The following TTLL12 variants were observed in gnomAD, a reference collection of about 807,000 sequenced individuals.
TTLL12 encodes tubulin tyrosine ligase like 12.
Under a neutral mutation model 79.6 loss-of-function variants are expected in TTLL12, and 77 were observed. The observed-to-expected ratio is 0.97, with a 90% CI of 0.81 to 1.17. The LOEUF (loss-of-function observed/expected upper bound fraction) is 1.17. TTLL12 is among the 50% of genes most tolerant of loss of function. The probability of loss-of-function intolerance (pLI) is 0.00; values close to 1 mark genes in which losing one functional copy is unlikely to be tolerated. For synonymous variants in TTLL12, 437 were observed against 376.1 expected (o/e 1.16, Z -1.87); for missense variants, 969 against 895.9 (o/e 1.08, Z -1.04).
intron 9 of TTLL12, among the ~76,000 whole-genome samples, chr22:43,173,414 G>A (rs1931815962): frequency 6.6e-6 from 1 of 152,234 alleles, no homozygotes; most frequent in Non-Finnish European, 1.5e-5. Context: ...GGGCTCAAGT[G>A]ATCCTCCTGC....
rs745916328 is a variant in TTLL12, at chr22:43,167,695, T to C, written c.*313A>G. The C allele has an allele frequency of 1.2e-5, 3 of 249,276 alleles. No homozygotes were observed. Among genetic ancestry groups the C allele is most frequent in the Non-Finnish European group, 2.3e-5 (3 of 129,012 alleles). 15.4% of individuals were successfully genotyped at this position (249,276 alleles called of 1,614,324 possible). A position where few individuals can be genotyped will look rare whatever the true frequency, so the allele number is the denominator to read the frequency against. ...ACAGCAGCCAGGAACAAATTCTCCA[T>C]GCCAGGAACAAAGCCCTTGGCTAAA... On this transcript the variant is annotated 3_prime_UTR_variant, in exon 14 of 14. Transcript: ENST00000216129.
rs111779502 is a variant in TTLL12, at chr22:43,171,977, C to A, written c.1494-77G>T. On this transcript the variant is annotated intron_variant, in intron 10 of 13. Transcript: ENST00000216129. Reference sequence around the variant, plus strand: ...GCGAGGGAGGTGCCACCCACTCAGCCTTCCCAACTAGGGGTTCAGGGCTCA... The same window carrying A: ...GCGAGGGAGGTGCCACCCACTCAGCATTCCCAACTAGGGGTTCAGGGCTCA... 4 of 1,275,292 alleles carry A rather than the reference C, an allele frequency of 3.1e-6. No homozygotes were observed. In the African/African-American group the frequency reaches 5.9e-5, roughly 19 times the overall value. 79.0% of individuals were successfully genotyped at this position (1,275,292 alleles called of 1,614,324 possible). A position where few individuals can be genotyped will look rare whatever the true frequency, so the allele number is the denominator to read the frequency against.
At chr22:43,180,136 CT>C in intron 3 of TTLL12, 136 bp from the exon 4 acceptor site, 3 of 1,091,862 alleles carry the variant, frequency 2.7e-6, no homozygotes, top group Non-Finnish European at 3.9e-6. Context: ...ACCCCAGGCC[CT>C]TTAGCTAAGC....
rs553417632 is a variant in TTLL12 at position 43,186,589 on chromosome 22, G to A, written c.177+304C>T. Reference sequence around the variant, plus strand: ...GAGCCGCAGTGTTCTCATCTGTGAAGTGGGGGTGATGAGTTTCACTCCTCG... The same window carrying A: ...GAGCCGCAGTGTTCTCATCTGTGAAATGGGGGTGATGAGTTTCACTCCTCG... On this transcript the variant is annotated intron_variant, in intron 1 of 13. Coordinates refer to ENST00000216129, the MANE Select transcript of TTLL12 (RefSeq NM_015140.4). 2.6e-5 allele frequency among the ~76,000 whole-genome samples: 4 copies of A among 152,348 alleles called. No homozygotes were observed. The South Asian group carries it at 8.3e-4, about 32-fold the overall frequency.
At chr22:43,173,515 C>T (rs2147068823) in intron 9 of TTLL12, among the ~76,000 whole-genome samples, 200 bp downstream of exon 9, 1 of 152,264 alleles carries the variant, frequency 6.6e-6, no homozygotes, top group East Asian at 1.9e-4. Flanking sequence ...CGAGGTCTCC[C>T]TATGTTGCTC....
At chr22:43,174,986 C>T (rs1264425022) in intron 6 of TTLL12, among the ~76,000 whole-genome samples, 1 of 152,270 alleles carries the variant, frequency 6.6e-6, no homozygotes, top group Non-Finnish European at 1.5e-5. Context: ...ACAGGCACAC[C>T]AAGGGCCTCC....
intron 13 of TTLL12, among the ~76,000 whole-genome samples, chr22:43,168,400 G>A (rs1463929112): frequency 6.6e-6 from 1 of 150,582 alleles, no homozygotes; most frequent in East Asian, 2.0e-4. Flanking sequence ...TGACAGCCTG[G>A]CCCTTTAAGC....
chr22:43,179,078 G>A (rs976910478), intron 5 of TTLL12, among the ~76,000 whole-genome samples: 3 of 152,036 alleles, frequency 2.0e-5, no homozygotes, highest in Admixed American at 6.5e-5. Flanking sequence ...CGACAACTCC[G>A]ACTCCCTAAC....
In TTLL12 at chr22:43,175,839, A is replaced by T. The variant is rs1324524247; in HGVS notation, c.917+481T>A. Among the ~76,000 whole-genome samples, 6 of 128,364 alleles carry T rather than the reference A, an allele frequency of 4.7e-5. No individual in the cohort carries two copies. In the East Asian group the frequency reaches 9.5e-4, roughly 20 times the overall value. The allele number at this position is 128,364 out of a possible 152,430, so 84.2% of individuals were successfully genotyped here. A position where few individuals can be genotyped will look rare whatever the true frequency, so the allele number is the denominator to read the frequency against. ...AGGCGCCAGCCACCATGCCCTACTA[A>T]TTTTTTTTTTTTTTTTTTTTGTATT... On this transcript the variant is annotated intron_variant, in intron 6 of 13. Coordinates refer to ENST00000216129, the MANE Select transcript of TTLL12 (RefSeq NM_015140.4).
chr22:43,168,581 G>A (rs886867454), intron 13 of TTLL12, among the ~76,000 whole-genome samples, 193 bp downstream of exon 13: 6 of 152,164 alleles, frequency 3.9e-5, no homozygotes, highest in East Asian at 1.9e-4. Context: ...GGCCCAACCC[G>A]CAGCCTTTCC....
At position 43,187,115 on chromosome 22, in the gene TTLL12, G is replaced by A. The variant is rs1932207992; in HGVS notation, c.-46C>T. On this transcript the variant is annotated 5_prime_UTR_variant, in exon 1 of 14. Coordinates refer to ENST00000216129, the MANE Select transcript of TTLL12 (RefSeq NM_015140.4). ...CTCCAGCGCCGCCACCGCCGCCGCCGCCCGCCGTCCGTCGGCCCTGCCCTC... is the reference window on the plus strand; with the variant it reads ...CTCCAGCGCCGCCACCGCCGCCGCCACCCGCCGTCCGTCGGCCCTGCCCTC... 2.9e-6 allele frequency: 3 copies of A among 1,045,546 alleles called. No homozygotes were observed. The highest frequency in any genetic ancestry group is 2.3e-6 in the Non-Finnish European group (2 of 875,232). The allele number at this position is 1,045,546 out of a possible 1,614,324, so 64.8% of individuals were successfully genotyped here. A position where few individuals can be genotyped will look rare whatever the true frequency, so the allele number is the denominator to read the frequency against.
intron 11 of TTLL12, 49 bp downstream of exon 11, chr22:43,171,770 G>A (rs1002069774): frequency 6.5e-7 from 1 of 1,548,922 alleles, no homozygotes; most frequent in South Asian, 1.1e-5. Context: ...GGGGTCGGGT[G>A]TGCCCTGGCC....
intron 8 of TTLL12, 55 bp from the exon 9 acceptor site, chr22:43,173,881 T>G: frequency 6.6e-7 from 1 of 1,521,490 alleles, no homozygotes; most frequent in Non-Finnish European, 8.9e-7. Context: ...TCCCAGATGG[T>G]GCCACCCCAG....
chr22:43,171,881 G>C lies in TTLL12; in HGVS notation c.1513C>G (p.Leu505Val). 1 of 1,614,180 alleles carries C rather than the reference G, an allele frequency of 6.2e-7. No individual in the cohort carries two copies. The highest frequency in any genetic ancestry group is 8.5e-7 in the Non-Finnish European group (1 of 1,180,014). Residue 505 changes from leucine to valine, a missense_variant, in exon 11 of 14, where the codon CTG (leucine) becomes GTG (valine). Coordinates refer to ENST00000216129, the MANE Select transcript of TTLL12 (RefSeq NM_015140.4). ...GTGAAGTGCTTCTCGTAGTCATCCA[G>C]GTCGTTGAGTGCAAAGGCCCTGGAA... ...FSNRAFALND[L>V]DDYEKHFTVM...
chr22:43,177,019 C>G (rs1931933327), intron 5 of TTLL12, among the ~76,000 whole-genome samples: 1 of 152,190 alleles, frequency 6.6e-6, no homozygotes, highest in African/African-American at 2.4e-5. Flanking sequence ...AGAGGAGCCG[C>G]TTTGTCCTAG....
intron 2 of TTLL12, 51 bp downstream of exon 2, chr22:43,182,929 C>T: frequency 6.3e-7 from 1 of 1,589,802 alleles, no homozygotes; most frequent in Non-Finnish European, 8.6e-7. Flanking sequence ...ACTGCATCTC[C>T]CACCTTTCAC....
chr22:43,167,933 G>A lies in TTLL12; in HGVS notation c.*75C>T, dbSNP rs951321167. 1.4e-5 allele frequency: 21 copies of A among 1,552,474 alleles called. No individual in the cohort carries two copies. The African/African-American group carries it at 2.7e-4, about 20-fold the overall frequency. On this transcript the variant is annotated 3_prime_UTR_variant, in exon 14 of 14. Coordinates refer to ENST00000216129, the MANE Select transcript of TTLL12 (RefSeq NM_015140.4). ...GGGCCGGTGTGGGGAGGGACATGGG[G>A]GCCTTTGCAGAAGCAGCTCAGAGAA...
intron 10 of TTLL12, 117 bp from the exon 11 acceptor site, chr22:43,172,017 G>A: frequency 1.2e-6 from 1 of 835,932 alleles, no homozygotes; most frequent in Non-Finnish European, 2.0e-6. Flanking sequence ...AGGACCACCT[G>A]CTGCTCAGGC....
chr22:43,185,223 G>A (rs1932148412), intron 1 of TTLL12, among the ~76,000 whole-genome samples: 1 of 142,580 alleles, frequency 7.0e-6, no homozygotes, highest in Admixed American at 7.1e-5. Flanking sequence ...GCAAGACTCC[G>A]TCTCAATTAA....
Sources: allele counts gnomAD v4.1 joint callset (sites outside exome capture counted in the v4.1 genomes callset), GRCh38; gene constraint gnomAD v4.1.1; transcripts MANE v1.5; gene names NCBI Gene and HGNC (gene_info 2026-07-23, HGNC 2026-07-21).